The following FER variants were observed in gnomAD, a reference collection of about 807,000 sequenced individuals.
FER encodes the protein tyrosine-protein kinase Fer.
FER carries 63 observed loss-of-function variants against 111.0 expected under a neutral mutation model. That is an observed-to-expected ratio of 0.57 (90% confidence interval 0.46 to 0.70). FER has a LOEUF of 0.70. Among genes scored for constraint, FER ranks in the 30% least tolerant of loss-of-function variants. FER has a pLI of 0.00. For synonymous variants in FER, 327 were observed against 313.9 expected, an observed-to-expected ratio of 1.04 and a Z score of -0.44; for missense variants, 914 against 954.0, an observed-to-expected ratio of 0.96 and a Z score of 0.55.
intron 13 of FER, among the ~76,000 whole-genome samples, chr5:109,024,080 C>G (rs1026312210): frequency 2.0e-5 from 3 of 152,222 alleles, no homozygotes; most frequent in Middle Eastern, 3.4e-3. Context: ...GGCCATGTTG[C>G]TGAAAGTTAC....
intron 16 of FER, among the ~76,000 whole-genome samples, 167 bp downstream of exon 16, chr5:109,047,365 T>C (rs1772134380): frequency 6.6e-6 from 1 of 152,192 alleles, no homozygotes; most frequent in Admixed American, 6.5e-5. Context: ...TTATAGGCTG[T>C]AACACTTTAC....
At chr5:109,030,736 C>T (rs751156397) in intron 13 of FER, among the ~76,000 whole-genome samples, 1 of 152,032 alleles carries the variant, frequency 6.6e-6, no homozygotes, top group Non-Finnish European at 1.5e-5. Flanking sequence ...TGGGCTGGGA[C>T]CTTATTGTGG....
rs541035807 is a variant in FER, at chr5:109,129,969, T to C, written c.2048+29450T>C. Among the ~76,000 whole-genome samples the C allele has an allele frequency of 5.3e-5, 8 of 152,170 alleles. No individual in the cohort carries two copies. In the East Asian group the frequency reaches 1.2e-3, roughly 22 times the overall value. ...TAATAACAATACCAAATAATAGTTG[T>C]AGTATGCTGTAATTTTATAAAAATA... is the stretch of plus-strand genomic sequence containing the variant. On this transcript the variant is annotated intron_variant, in intron 17 of 19. Transcript: ENST00000281092.
At chr5:108,872,286 AT>A in intron 8 of FER, 74 bp downstream of exon 8, 1 of 1,359,956 alleles carries the variant, frequency 7.4e-7, no homozygotes, top group Non-Finnish European at 9.9e-7. Flanking sequence ...CAGATTTAAA[AT>A]ATCAATTATT....
intron 16 of FER, among the ~76,000 whole-genome samples, chr5:109,073,074 T>C (rs751619790): frequency 2.0e-5 from 3 of 152,120 alleles, no homozygotes; most frequent in Non-Finnish European, 4.4e-5. Context: ...TAATGAGTAA[T>C]TACATCTGCA....
intron 9 of FER, 60 bp from the exon 10 acceptor site, chr5:108,897,599 T>C (rs1749337734): frequency 1.7e-6 from 2 of 1,208,882 alleles, no homozygotes; most frequent in Admixed American, 3.2e-5. Flanking sequence ...TTTACATATA[T>C]GAGGTTTCCT....
At chr5:108,812,446 T>G (rs1313974009) in intron 3 of FER, among the ~76,000 whole-genome samples, 1 of 152,192 alleles carries the variant, frequency 6.6e-6, no homozygotes, top group African/African-American at 2.4e-5. Flanking sequence ...CATCATATAT[T>G]TGGTATATTT....
chr5:108,908,160 T>G (rs1751047344), intron 10 of FER, among the ~76,000 whole-genome samples: 1 of 152,198 alleles, frequency 6.6e-6, no homozygotes, highest in African/African-American at 2.4e-5. Context: ...ACAAAAACTT[T>G]GGACTATGAT....
intron 17 of FER, among the ~76,000 whole-genome samples, chr5:109,106,569 G>T (rs763093123): frequency 1.3e-4 from 19 of 151,922 alleles, no homozygotes; most frequent in Non-Finnish European, 2.6e-4. Context: ...AATACAGAGA[G>T]GACTGCTCAA....
At chr5:108,820,454 C>G in intron 3 of FER, 1 of 985,284 alleles carries the variant, frequency 1.0e-6, no homozygotes, top group South Asian at 4.7e-5. Context: ...AGAAAGGTGG[C>G]CCTTAAGTCC....
At chr5:108,994,403 G>A (rs922640565) in intron 13 of FER, among the ~76,000 whole-genome samples, 5 of 151,994 alleles carry the variant, frequency 3.3e-5, no homozygotes, top group South Asian at 4.2e-4. Flanking sequence ...CAGGTTTGTC[G>A]AAGATCAGAT....
At chr5:108,845,308 A>G (rs1761923766) in intron 5 of FER, among the ~76,000 whole-genome samples, 1 of 150,644 alleles carries the variant, frequency 6.6e-6, no homozygotes, top group South Asian at 2.1e-4. Context: ...AGTAGCTGGG[A>G]CTACAGGTGC....
At chr5:108,878,750 G>A (rs765129405) in intron 8 of FER, among the ~76,000 whole-genome samples, 3 of 152,102 alleles carry the variant, frequency 2.0e-5, no homozygotes, top group Non-Finnish European at 2.9e-5. Context: ...AGGCACCTGA[G>A]AACTAAGCAT....
At chr5:109,060,771 T>A (rs1387343407) in intron 16 of FER, among the ~76,000 whole-genome samples, 2 of 124,638 alleles carry the variant, frequency 1.6e-5, no homozygotes, top group Non-Finnish European at 3.7e-5. Context: ...TGTGTGTGTG[T>A]GTATATATAT....
intron 16 of FER, among the ~76,000 whole-genome samples, chr5:109,058,516 A>AT (rs149263271): frequency 4.0e-5 from 6 of 151,362 alleles, no homozygotes; most frequent in Admixed American, 6.6e-5. Context: ...AAATTAATTG[A>AT]TTTTTTTTTA....
intron 13 of FER, among the ~76,000 whole-genome samples, chr5:108,990,011 T>C (rs1762988933): frequency 6.6e-6 from 1 of 151,970 alleles, no homozygotes; most frequent in Non-Finnish European, 1.5e-5. Context: ...GCCTTGTACT[T>C]ACTAGATACT....
intron 13 of FER, among the ~76,000 whole-genome samples, chr5:109,005,936 A>T (rs1039413614): frequency 5.9e-5 from 9 of 152,184 alleles, no homozygotes; most frequent in Non-Finnish European, 1.2e-4. Context: ...CTTGGAGACC[A>T]CTTTTAGAAC....
intron 2 of FER, among the ~76,000 whole-genome samples, chr5:108,768,672 G>A (rs1291284160): frequency 6.6e-6 from 1 of 152,026 alleles, no homozygotes; most frequent in Non-Finnish European, 1.5e-5. Flanking sequence ...ATTCATTTGA[G>A]GTACATTGAT....
intron 16 of FER, among the ~76,000 whole-genome samples, chr5:109,056,367 T>A (rs1201591222): frequency 6.6e-6 from 1 of 152,194 alleles, no homozygotes; most frequent in Non-Finnish European, 1.5e-5. Flanking sequence ...GTTACATATG[T>A]TCAGTAGAAT....
Sources: gnomAD v4.1 joint callset for allele counts (sites outside exome capture counted in the v4.1 genomes callset) on GRCh38, gnomAD v4.1.1 for gene constraint, MANE v1.5 for transcripts, NCBI Gene and HGNC (gene_info 2026-07-23, HGNC 2026-07-21) for gene names.